PAG1: variants seen among roughly 807,000 people sequenced by gnomAD.
PAG1 encodes phosphoprotein membrane anchor with glycosphingolipid microdomains 1, also known as phosphoprotein associated with glycosphingolipid-enriched microdomains 1.
In PAG1, 23 loss-of-function variants were observed where a neutral mutation model predicts 31.7. That is an observed-to-expected ratio of 0.73 (90% CI 0.52 to 1.03). PAG1 has a LOEUF of 1.03. Among genes scored for constraint, PAG1 ranks in the 50% least tolerant of loss-of-function variants. The pLI, the probability that PAG1 is intolerant of heterozygous loss-of-function variation, is 0.00. For missense variants in PAG1, 473 were observed against 540.7 expected, an observed-to-expected ratio of 0.87 and a Z score of 1.24; for synonymous variants, 214 against 210.3, an observed-to-expected ratio of 1.02 and a Z score of -0.15.
At chr8:80,989,417 T>C (rs1439345637) in intron 5 of PAG1, among the ~76,000 whole-genome samples, 2 of 152,192 alleles carry the variant, frequency 1.3e-5, no homozygotes, top group African/African-American at 4.8e-5. Flanking sequence ...TTCTATGAGA[T>C]GAAGAATCCG....
chr8:81,014,424 AGCCTTT>A (rs1808038464), intron 3 of PAG1, among the ~76,000 whole-genome samples: 1 of 152,256 alleles, frequency 6.6e-6, no homozygotes, highest in African/African-American at 2.4e-5. Context: ...AAGGCACTGA[AGCCTTT>A]CCAGAAAGTG....
At position 80,990,927 on chromosome 8, in the gene PAG1, C is replaced by T. The variant is rs1479673988; in HGVS notation, c.177+552G>A. On this transcript the variant is annotated intron_variant, in intron 5 of 8. Coordinates refer to ENST00000220597, the MANE Select transcript of PAG1 (RefSeq NM_018440.4). This position sits in a 1 kb window ranked among gnomAD's most constrained non-coding sequence, Gnocchi z 5.1. ...AGGTCGTGCTACAGTAGGGTGGGCA[C>T]TAGTCCAATATGTCTGGTGTCTTTA... Among the ~76,000 whole-genome samples, 1 of 152,126 alleles carries T rather than the reference C, an allele frequency of 6.6e-6. No individual in the cohort carries two copies. Among genetic ancestry groups the T allele is most frequent in the Non-Finnish European group, 1.5e-5 (1 of 68,036 alleles).
chr8:80,985,480 T>C lies in PAG1; in HGVS notation c.275-103A>G, dbSNP rs1227987144. 5 of 1,201,148 alleles carry C rather than the reference T, an allele frequency of 4.2e-6. No individual in the cohort carries two copies. In the African/African-American group the frequency reaches 7.6e-5, roughly 18 times the overall value. 74.4% of individuals were successfully genotyped at this position (1,201,148 alleles called of 1,614,324 possible). ...TTAGGTTAAATCAAGATGCGTGCTTTTTATTTAAGTCTCAGGCACAAATTA... is the reference window on the plus strand; with the variant it reads ...TTAGGTTAAATCAAGATGCGTGCTTCTTATTTAAGTCTCAGGCACAAATTA... On this transcript the variant is annotated intron_variant, in intron 6 of 8. Coordinates refer to ENST00000220597, the MANE Select transcript of PAG1 (RefSeq NM_018440.4).
At chr8:81,077,727 A>G (rs1809202361) in intron 1 of PAG1, among the ~76,000 whole-genome samples, 1 of 152,254 alleles carries the variant, frequency 6.6e-6, no homozygotes, top group African/African-American at 2.4e-5. Context: ...GATTAATCAA[A>G]TCAATAATGC....
chr8:81,007,162 G>A (rs1198290296), intron 3 of PAG1, among the ~76,000 whole-genome samples: 2 of 152,180 alleles, frequency 1.3e-5, no homozygotes, highest in Non-Finnish European at 2.9e-5. Context: ...CAGCGGCAAG[G>A]TTTGCAGGTA....
At chr8:80,995,870 C>T (rs1807663560) in intron 3 of PAG1, among the ~76,000 whole-genome samples, 1 of 152,060 alleles carries the variant, frequency 6.6e-6, no homozygotes, top group Admixed American at 6.6e-5. Flanking sequence ...GGATGCCCAG[C>T]CTATTAGTAC....
chr8:81,097,617 ATT>A (rs1392582061), intron 1 of PAG1, among the ~76,000 whole-genome samples: 1 of 152,034 alleles, frequency 6.6e-6, no homozygotes, highest in Non-Finnish European at 1.5e-5. Flanking sequence ...GAGGTTCGTA[ATT>A]TCACAACCAA....
chr8:80,978,629 G>A (rs1000296536), intron 8 of PAG1, among the ~76,000 whole-genome samples: 2 of 152,106 alleles, frequency 1.3e-5, no homozygotes, highest in Admixed American at 1.3e-4. Flanking sequence ...CTCACTCTTT[G>A]TAAGAGTACT....
chr8:81,108,888 A>G (rs1039341043), intron 1 of PAG1, among the ~76,000 whole-genome samples: 4 of 152,222 alleles, frequency 2.6e-5, no homozygotes, highest in African/African-American at 9.6e-5. Flanking sequence ...GGCAAAGTGC[A>G]AGGCCTCTCT....
intron 1 of PAG1, among the ~76,000 whole-genome samples, chr8:81,079,933 T>C (rs779207922): frequency 3.3e-5 from 5 of 151,950 alleles, no homozygotes; most frequent in Non-Finnish European, 1.5e-5. Flanking sequence ...CATGCCCGGA[T>C]AATTTTTAAA....
chr8:80,984,124 T>A (rs1807365656), intron 7 of PAG1, among the ~76,000 whole-genome samples: 2 of 152,140 alleles, frequency 1.3e-5, no homozygotes, highest in African/African-American at 4.8e-5. Flanking sequence ...CCTAGTTAAA[T>A]CCCAAAGAGA....
At position 81,112,028 on chromosome 8, in the gene PAG1, A is replaced by G. The variant is rs1022287760; in HGVS notation, c.-671T>C. On this transcript the variant is annotated 5_prime_UTR_variant, in exon 1 of 9. Coordinates refer to ENST00000220597, the MANE Select transcript of PAG1 (RefSeq NM_018440.4). ...GCGCGCAGACGGACAAGCGAGCGGG[A>G]GGGTACCGCAGCCAGCACTCGCCGC... 3.9e-5 allele frequency: 6 copies of G among 152,072 alleles called. No homozygotes were observed. Among genetic ancestry groups the G allele is most frequent in the Non-Finnish European group, 2.9e-5 (2 of 68,002 alleles). The allele number at this position is 152,072 out of a possible 1,614,324, so 9.4% of individuals were successfully genotyped here.
At chr8:81,080,260 G>A (rs16908533) in intron 1 of PAG1, among the ~76,000 whole-genome samples, 13,293 of 152,078 alleles carry the variant, frequency 0.087, 1,536 homozygotes, top group African/African-American at 0.26. Context: ...ACTAGCCTTC[G>A]TAGATGGACT....
At chr8:81,010,283 T>C (rs1165674427) in intron 3 of PAG1, among the ~76,000 whole-genome samples, 1 of 152,188 alleles carries the variant, frequency 6.6e-6, no homozygotes, top group Non-Finnish European at 1.5e-5. Flanking sequence ...TTTGAATCTA[T>C]TCCAGAGGGT....
At chr8:81,096,622 CTG>C (rs919517450) in intron 1 of PAG1, among the ~76,000 whole-genome samples, 3 of 152,170 alleles carry the variant, frequency 2.0e-5, no homozygotes, top group African/African-American at 7.2e-5. Context: ...ATTGGTTCTG[CTG>C]TGTGTGTCCT....
intron 3 of PAG1, among the ~76,000 whole-genome samples, chr8:81,012,769 G>A (rs897891343): frequency 1.3e-5 from 2 of 152,158 alleles, no homozygotes; most frequent in African/African-American, 4.8e-5. Flanking sequence ...ATCCACTGAT[G>A]AATTTTAATG....
chr8:80,997,316 CA>C (rs1807700415), intron 3 of PAG1, among the ~76,000 whole-genome samples: 1 of 152,108 alleles, frequency 6.6e-6, no homozygotes. Flanking sequence ...CTTGCTCTGT[CA>C]CCTAGGCTGG....
At chr8:81,023,950 G>A (rs1808231517) in intron 3 of PAG1, among the ~76,000 whole-genome samples, 1 of 152,088 alleles carries the variant, frequency 6.6e-6, no homozygotes, top group Non-Finnish European at 1.5e-5. Flanking sequence ...TCTGCTTACT[G>A]TCTGTAATCA....
intron 1 of PAG1, among the ~76,000 whole-genome samples, chr8:81,094,191 A>G (rs1809491694): frequency 6.6e-6 from 1 of 152,162 alleles, no homozygotes; most frequent in East Asian, 1.9e-4. Flanking sequence ...TCGTCCTAAA[A>G]GTCAGGCCAG....
Sources: allele counts gnomAD v4.1 joint callset (sites outside exome capture counted in the v4.1 genomes callset), GRCh38; gene constraint gnomAD v4.1.1; non-coding constraint Gnocchi (gnomAD v3.1); transcripts MANE v1.5; gene names NCBI Gene and HGNC (gene_info 2026-07-23, HGNC 2026-07-21).